VSTM4: variants seen among roughly 807,000 people sequenced by gnomAD.
VSTM4 encodes the protein V-set and transmembrane domain-containing protein 4.
A neutral mutation model predicts 36.4 loss-of-function variants in VSTM4; 20 were observed. That is an observed-to-expected ratio of 0.55 (90% CI 0.39 to 0.80). The LOEUF (loss-of-function observed/expected upper bound fraction) is 0.80. Ranked by LOEUF, VSTM4 falls within the 30% of genes least tolerant of loss-of-function variation. The probability of loss-of-function intolerance (pLI) is 0.00; values close to 1 mark genes in which losing one functional copy is unlikely to be tolerated. For synonymous variants in VSTM4, 182 were observed against 173.9 expected (o/e 1.05, Z -0.37); for missense variants, 392 against 404.5 (o/e 0.97, Z 0.26).
At chr10:49,092,084 A>G (rs1427939706) in intron 2 of VSTM4, among the ~76,000 whole-genome samples, 6 of 152,146 alleles carry the variant, frequency 3.9e-5, no homozygotes, top group Admixed American at 3.9e-4. Context: ...AGGGTAGCTG[A>G]AGCCTTCTCC....
chr10:49,108,463 C>A lies in VSTM4; in HGVS notation c.56-468G>T, dbSNP rs1345544549. On this transcript the variant is annotated intron_variant, in intron 1 of 7. Coordinates refer to ENST00000332853, the MANE Select transcript of VSTM4 (RefSeq NM_001031746.5). ...TGTCAGCTGTGCTGTGGGTGGGGAG[C>A]CGCCCTGGAGCAGGGCAGGGTAGGG... 1.6e-4 allele frequency among the ~76,000 whole-genome samples: 24 copies of A among 152,176 alleles called. 1 individual carries two copies. The highest frequency in any genetic ancestry group is 1.6e-3 in the Admixed American group (24 of 15,274).
At chr10:49,064,641 A>G in intron 5 of VSTM4, 62 bp downstream of exon 5, 1 of 1,535,490 alleles carries the variant, frequency 6.5e-7, no homozygotes, top group South Asian at 1.2e-5. Context: ...TTTATTGGTA[A>G]TATCAAAAGA....
At chr10:49,062,935 A>G (rs1295173586) in intron 5 of VSTM4, among the ~76,000 whole-genome samples, 7 of 151,820 alleles carry the variant, frequency 4.6e-5, no homozygotes, top group Non-Finnish European at 7.4e-5. Flanking sequence ...TTTTAGTTCT[A>G]TAATTTCCAT....
chr10:49,099,856 A>G (rs1237381101), intron 2 of VSTM4, among the ~76,000 whole-genome samples: 2 of 152,122 alleles, frequency 1.3e-5, no homozygotes, highest in Admixed American at 6.5e-5. Context: ...TGTCTCTACT[A>G]AAAATACAAA....
intron 5 of VSTM4, among the ~76,000 whole-genome samples, chr10:49,051,307 T>C (rs183531514): frequency 6.6e-6 from 1 of 152,152 alleles, no homozygotes; most frequent in African/African-American, 2.4e-5. Context: ...ATACAATATA[T>C]AGCCTTTTCA....
intron 4 of VSTM4, among the ~76,000 whole-genome samples, chr10:49,066,538 A>G (rs190251050): frequency 4.6e-5 from 7 of 152,208 alleles, no homozygotes; most frequent in Non-Finnish European, 7.3e-5. Context: ...TCATTCATTC[A>G]TACTCTGTTT....
chr10:49,037,055 C>T (rs374229246), intron 7 of VSTM4, among the ~76,000 whole-genome samples: 11 of 152,196 alleles, frequency 7.2e-5, no homozygotes, highest in South Asian at 2.1e-4. Flanking sequence ...GGTTGACATA[C>T]GGATGAGCTG....
chr10:49,108,784 C>T (rs894860713), intron 1 of VSTM4, among the ~76,000 whole-genome samples: 2 of 152,140 alleles, frequency 1.3e-5, no homozygotes, highest in East Asian at 3.9e-4. Flanking sequence ...AAAACCAGCC[C>T]GAGGGCTGCC....
intron 7 of VSTM4, among the ~76,000 whole-genome samples, chr10:49,041,449 A>C (rs536660027): frequency 1.1e-4 from 16 of 152,340 alleles, no homozygotes; most frequent in African/African-American, 3.8e-4. Flanking sequence ...TGCCCCAATC[A>C]ATTATCTGTG....
At position 49,045,441 on chromosome 10, in the gene VSTM4, C is replaced by T. The variant is rs1205129877; in HGVS notation, c.837+1542G>A. The stretch of plus-strand genomic sequence containing the variant: ...GAAATAGAAAATCACCCTTAGTGCA[C>T]CATAGTAAAATCTGCTGCAAGCAAA... On this transcript the variant is annotated intron_variant, in intron 7 of 7. Transcript: ENST00000332853. 2.0e-5 allele frequency among the ~76,000 whole-genome samples: 3 copies of T among 152,092 alleles called. No individual in the cohort carries two copies. In the South Asian group the frequency reaches 6.2e-4, roughly 32 times the overall value.
chr10:49,055,673 CAA>C (rs1327769298), intron 5 of VSTM4, among the ~76,000 whole-genome samples: 20 of 152,308 alleles, frequency 1.3e-4, no homozygotes, highest in Middle Eastern at 3.4e-3. Flanking sequence ...CTGAAACACA[CAA>C]AGTCAATTGG....
intron 2 of VSTM4, among the ~76,000 whole-genome samples, chr10:49,086,906 C>T (rs976232705): frequency 1.9e-4 from 29 of 152,152 alleles, no homozygotes; most frequent in African/African-American, 7.0e-4. Flanking sequence ...GGGGTTACCA[C>T]AACGAAGAGC....
chr10:49,053,381 G>A (rs1210365560), intron 5 of VSTM4, among the ~76,000 whole-genome samples: 2 of 152,186 alleles, frequency 1.3e-5, no homozygotes, highest in Non-Finnish European at 2.9e-5. Context: ...GACACACAGC[G>A]GCTGGATTGA....
chr10:49,023,299 T>G (rs1292979188), intron 7 of VSTM4, among the ~76,000 whole-genome samples: 3 of 152,248 alleles, frequency 2.0e-5, no homozygotes, highest in Non-Finnish European at 2.9e-5. Context: ...GCTATCACAA[T>G]CAGCCATGTG....
intron 2 of VSTM4, among the ~76,000 whole-genome samples, chr10:49,088,015 A>G (rs1406844324): frequency 6.8e-6 from 1 of 148,050 alleles, no homozygotes; most frequent in East Asian, 1.9e-4. Context: ...TAATATATGT[A>G]TATATACATA....
At chr10:49,112,725 T>A (rs560783844) in intron 1 of VSTM4, among the ~76,000 whole-genome samples, 1 of 152,188 alleles carries the variant, frequency 6.6e-6, no homozygotes. Flanking sequence ...TATCTTGAAA[T>A]TTTAATACAT....
chr10:49,102,198 C>T (rs189218311), intron 2 of VSTM4: 96 of 131,774 alleles, frequency 7.3e-4, no homozygotes, highest in Admixed American at 1.7e-3. Context: ...AGTGCAGTGG[C>T]GGGATCTTGG....
At chr10:49,105,757 T>C (rs1159494334) in intron 2 of VSTM4, among the ~76,000 whole-genome samples, 1 of 152,106 alleles carries the variant, frequency 6.6e-6, no homozygotes, top group African/African-American at 2.4e-5. Flanking sequence ...GCCAAGATAT[T>C]TCGTCTGTGA....
intron 2 of VSTM4, among the ~76,000 whole-genome samples, chr10:49,087,331 T>C (rs1844387372): frequency 6.6e-6 from 1 of 152,232 alleles, no homozygotes; most frequent in Admixed American, 6.5e-5. Flanking sequence ...CTATGCCTGA[T>C]AAACTTTCAT....
Sources: allele counts gnomAD v4.1 joint callset (sites outside exome capture counted in the v4.1 genomes callset), GRCh38; gene constraint gnomAD v4.1.1; transcripts MANE v1.5; gene names NCBI Gene and HGNC (gene_info 2026-07-23, HGNC 2026-07-21).